AEBP2: variants seen among roughly 807,000 people sequenced by gnomAD.
AEBP2 encodes the protein zinc finger protein AEBP2.
A neutral mutation model predicts 50.8 loss-of-function variants in AEBP2; 10 were observed. The ratio of observed to expected loss-of-function variants is 0.20; its 90% CI spans 0.12 to 0.33. The LOEUF is 0.33. AEBP2 is among the 10% of genes least tolerant of loss of function. AEBP2 has a pLI of 1.00. For missense variants in AEBP2, 570 were observed against 688.0 expected, an observed-to-expected ratio of 0.83 and a Z score of 1.92; for synonymous variants, 296 against 261.3, an observed-to-expected ratio of 1.13 and a Z score of -1.28.
At chr12:19,515,363 G>T (rs117679722) in intron 7 of AEBP2, among the ~76,000 whole-genome samples, 1 of 152,084 alleles carries the variant, frequency 6.6e-6, no homozygotes, top group South Asian at 2.1e-4. Flanking sequence ...GGTGCTTTGC[G>T]TATACGTCAT....
rs768159445 is a variant in AEBP2 at position 19,439,987 on chromosome 12, C to A, written c.288C>A (p.Asp96Glu). The part of the protein sequence containing the change: ...SPESASQAGE[D>E]EDEEEDDEEE... ...AGAGCGCCAGCCAGGCCGGGGAGGA[C>A]GAAGACGAGGAGGAGGACGACGAGG... The change falls in exon 1 of 8, where the codon GAC becomes GAA. Residue 96 changes from aspartate (D) to glutamate (E), a missense_variant. Physicochemically the swap from Asp to Glu is conservative, Grantham distance 45. Coordinates refer to ENST00000266508, the MANE Select transcript of AEBP2 (RefSeq NM_153207.5). 4 of 1,519,938 alleles carry A rather than the reference C, an allele frequency of 2.6e-6. No individual in the cohort carries two copies. Among genetic ancestry groups the A allele is most frequent in the Non-Finnish European group, 2.6e-6 (3 of 1,140,234 alleles). 94.2% of individuals were successfully genotyped at this position (1,519,938 alleles called of 1,614,324 possible). A position where few individuals can be genotyped will look rare whatever the true frequency, so the allele number is the denominator to read the frequency against.
chr12:19,442,117 A>G (rs1034461642), intron 1 of AEBP2, among the ~76,000 whole-genome samples: 2 of 152,154 alleles, frequency 1.3e-5, no homozygotes, highest in Non-Finnish European at 2.9e-5. Context: ...TTCGCCTTAA[A>G]TAAGTTGAGG....
At position 19,521,904 on chromosome 12, in the gene AEBP2, A is replaced by G. The variant is rs1305965255; in HGVS notation, c.*3787A>G. On this transcript the variant is annotated 3_prime_UTR_variant, in exon 8 of 8. Coordinates refer to ENST00000266508, the MANE Select transcript of AEBP2 (RefSeq NM_153207.5). ...AGGGTTTTCTCTTTAATCACAACTT[A>G]AAAAAAGAAACCTTTAATACCTCTG... is the stretch of plus-strand genomic sequence containing the variant. 1 of 152,008 alleles carries G rather than the reference A, an allele frequency of 6.6e-6. No individual in the cohort carries two copies. The highest frequency in any genetic ancestry group is 2.4e-5 in the African/African-American group (1 of 41,398). The allele number at this position is 152,008 out of a possible 1,614,324, so 9.4% of individuals were successfully genotyped here. A position where few individuals can be genotyped will look rare whatever the true frequency, so the allele number is the denominator to read the frequency against.
chr12:19,447,375 C>G (rs1006164344), intron 1 of AEBP2, among the ~76,000 whole-genome samples: 11 of 152,208 alleles, frequency 7.2e-5, no homozygotes, highest in Admixed American at 6.5e-5. Context: ...TACCATTTAT[C>G]TCCACTGCTG....
At chr12:19,444,100 A>G (rs942412400) in intron 1 of AEBP2, among the ~76,000 whole-genome samples, 9 of 152,216 alleles carry the variant, frequency 5.9e-5, no homozygotes, top group Non-Finnish European at 1.2e-4. Flanking sequence ...AAGCTGAAGT[A>G]CTTTTTAAAA....
chr12:19,439,806 C>T lies in AEBP2; in HGVS notation c.107C>T (p.Pro36Leu). The T allele has an allele frequency of 6.6e-7, 1 of 1,511,088 alleles. No homozygotes were observed. The highest frequency in any genetic ancestry group is 8.8e-7 in the Non-Finnish European group (1 of 1,136,966). The allele number at this position is 1,511,088 out of a possible 1,614,324, so 93.6% of individuals were successfully genotyped here. The part of the protein sequence containing the change: ...GSAARGRAEP[P>L]EEEEEEEEEE... ...GCGGCGCGGGGCCGGGCTGAGCCCC[C>T]CGAGGAGGAGGAGGAAGAGGAGGAG... The change falls in exon 1 of 8, where the codon CCC becomes CTC. Residue 36 changes from proline (P) to leucine (L), a missense_variant. Pro to Leu is a moderately conservative substitution (Grantham distance 98). Coordinates refer to ENST00000266508, the MANE Select transcript of AEBP2 (RefSeq NM_153207.5).
intron 4 of AEBP2, among the ~76,000 whole-genome samples, chr12:19,496,664 CT>C (rs771598222): frequency 8.2e-4 from 117 of 142,840 alleles, no homozygotes; most frequent in Admixed American, 9.2e-4. Flanking sequence ...TTTTTTTAAC[CT>C]TTTTTTTTTT....
At chr12:19,475,395 A>G (rs1032189068) in intron 3 of AEBP2, among the ~76,000 whole-genome samples, 2 of 152,166 alleles carry the variant, frequency 1.3e-5, no homozygotes, top group Non-Finnish European at 2.9e-5. Flanking sequence ...TGTGAAAGCC[A>G]TATTTTGTTC....
At chr12:19,443,871 C>A (rs1443665270) in intron 1 of AEBP2, among the ~76,000 whole-genome samples, 2 of 151,916 alleles carry the variant, frequency 1.3e-5, no homozygotes, top group Admixed American at 1.3e-4. Context: ...TTTTTTCCCC[C>A]CAGAAGAAAG....
chr12:19,437,824 A>T (rs577815512), upstream of AEBP2, among the ~76,000 whole-genome samples: 1 of 152,224 alleles, frequency 6.6e-6, no homozygotes, highest in African/African-American at 2.4e-5. Flanking sequence ...AACATTTTAT[A>T]TAACAGTTGT....
chr12:19,457,782 C>T, intron 1 of AEBP2: 1 of 405,336 alleles, frequency 2.5e-6, no homozygotes, highest in Middle Eastern at 7.1e-4. Context: ...CAAGCGGGCA[C>T]TTGTTAGAAA....
At chr12:19,428,251 A>T (rs2095749583) in intron 1 of AEBP2, among the ~76,000 whole-genome samples, 2 of 152,142 alleles carry the variant, frequency 1.3e-5, no homozygotes, top group South Asian at 4.1e-4. Flanking sequence ...AATAAAAGAG[A>T]CAAACTGGAT....
chr12:19,474,031 T>C (rs1948612870), intron 3 of AEBP2, among the ~76,000 whole-genome samples: 1 of 152,150 alleles, frequency 6.6e-6, no homozygotes, highest in Non-Finnish European at 1.5e-5. Flanking sequence ...CAAACAACAT[T>C]GACTATTATA....
chr12:19,440,180 C>T lies in AEBP2; in HGVS notation c.481C>T (p.Pro161Ser), dbSNP rs1196717142. The T allele has an allele frequency of 2.0e-6, 3 of 1,468,694 alleles. No individual in the cohort carries two copies. The highest frequency in any genetic ancestry group is 2.7e-6 in the Non-Finnish European group (3 of 1,121,294). The allele number at this position is 1,468,694 out of a possible 1,614,324, so 91.0% of individuals were successfully genotyped here. Residue 161 changes from proline (P) to serine (S), a missense_variant, in exon 1 of 8, where the codon CCC becomes TCC. Physicochemically the swap from Pro to Ser is moderately conservative, Grantham distance 74. Coordinates refer to ENST00000266508, the MANE Select transcript of AEBP2 (RefSeq NM_153207.5). The part of the protein sequence containing the change: ...DGDGKEGLEE[P>S]KGPRGSQGGG... ...GGACGGCAAGGAGGGCCTGGAGGAG[C>T]CCAAGGGACCGCGGGGCAGCCAGGG...
rs957426516 is a variant in AEBP2 at position 19,521,025 on chromosome 12, C to G, written c.*2908C>G. The G allele has an allele frequency of 6.6e-6, 1 of 152,060 alleles. No individual in the cohort carries two copies. Among genetic ancestry groups the G allele is most frequent in the Non-Finnish European group, 1.5e-5 (1 of 68,022 alleles). 9.4% of individuals were successfully genotyped at this position (152,060 alleles called of 1,614,324 possible). The stretch of plus-strand genomic sequence containing the variant: ...ATGAACTTTATGTTTAGTCTTGGAT[C>G]GCATTTCTGAGTCTCATTATGTATA... On this transcript the variant is annotated 3_prime_UTR_variant, in exon 8 of 8. Coordinates refer to ENST00000266508, the MANE Select transcript of AEBP2 (RefSeq NM_153207.5).
At chr12:19,514,598 A>G in intron 6 of AEBP2, 73 bp from the exon 7 acceptor site, 1 of 1,179,688 alleles carries the variant, frequency 8.5e-7, no homozygotes, top group Non-Finnish European at 1.2e-6. Context: ...AAAATGCCAG[A>G]ATGTGAAGGC....
In AEBP2 at chr12:19,439,788, G is replaced by A; in HGVS notation, c.89G>A (p.Arg30Gln). Residue 30 changes from arginine to glutamine, a missense_variant, in exon 1 of 8, where the codon CGG (arginine) becomes CAG (glutamine). Coordinates refer to ENST00000266508, the MANE Select transcript of AEBP2 (RefSeq NM_153207.5). The stretch of plus-strand genomic sequence containing the variant: ...CCCGGCAGCCCGGGTTCGGCGGCGC[G>A]GGGCCGGGCTGAGCCCCCCGAGGAG... The part of the protein sequence containing the change: ...LPPGSPGSAA[R>Q]GRAEPPEEEE... 1 of 1,514,684 alleles carries A rather than the reference G, an allele frequency of 6.6e-7. No individual in the cohort carries two copies. The highest frequency in any genetic ancestry group is 8.8e-7 in the Non-Finnish European group (1 of 1,138,086). 93.8% of individuals were successfully genotyped at this position (1,514,684 alleles called of 1,614,324 possible). A position where few individuals can be genotyped will look rare whatever the true frequency, so the allele number is the denominator to read the frequency against.
In AEBP2 at chr12:19,456,763, A is replaced by AT. The variant is rs1948275675; in HGVS notation, c.672-5743dup. On this transcript the variant is annotated intron_variant, in intron 1 of 7. Coordinates refer to ENST00000266508, the MANE Select transcript of AEBP2 (RefSeq NM_153207.5). ...AAAGCTTCATGGTGCATTTCGACAGATTTTACTTCAGTTTTAATGTTGACT... is the reference window on the plus strand; with the variant it reads ...AAAGCTTCATGGTGCATTTCGACAGATTTTTACTTCAGTTTTAATGTTGACT... 55 of 1,588,446 alleles carry AT rather than the reference A, an allele frequency of 3.5e-5. 2 individuals carry two copies. In the South Asian group the frequency reaches 5.9e-4, roughly 17 times the overall value.
intron 2 of AEBP2, 38 bp downstream of exon 2, chr12:19,462,755 C>A: frequency 1.3e-6 from 2 of 1,540,114 alleles, no homozygotes; most frequent in Non-Finnish European, 1.8e-6. Flanking sequence ...TCCCTGTTTT[C>A]GTTAGTTTTA....
Sources: gnomAD v4.1 joint callset for allele counts (sites outside exome capture counted in the v4.1 genomes callset) on GRCh38, gnomAD v4.1.1 for gene constraint, MANE v1.5 for transcripts, NCBI Gene and HGNC (gene_info 2026-07-23, HGNC 2026-07-21) for gene names.